The following TMEM67 variants were observed in gnomAD, a reference collection of about 807,000 sequenced individuals.
The protein encoded by TMEM67 is transmembrane protein 67, also known as meckelin.
Under a neutral mutation model 136.6 loss-of-function variants are expected in TMEM67, and 124 were observed. The observed-to-expected ratio is 0.91, with a 90% CI of 0.78 to 1.05. The LOEUF is 1.05. Ranked by LOEUF, TMEM67 falls within the 50% of genes least tolerant of loss-of-function variation. The probability of loss-of-function intolerance (pLI) is 0.00; values close to 1 mark genes in which losing one functional copy is unlikely to be tolerated. For missense variants in TMEM67, 1,107 were observed against 1,178.4 expected, an observed-to-expected ratio of 0.94 and a Z score of 0.89; for synonymous variants, 364 against 390.5, an observed-to-expected ratio of 0.93 and a Z score of 0.80.
At chr8:93,759,677 T>G (rs1239664373) in intron 3 of TMEM67, among the ~76,000 whole-genome samples, 3 of 151,140 alleles carry the variant, frequency 2.0e-5, no homozygotes, top group Non-Finnish European at 4.4e-5. Context: ...GAGACAGAGT[T>G]TTCACTGTTG....
intron 11 of TMEM67, among the ~76,000 whole-genome samples, chr8:93,783,176 G>T (rs926660678): frequency 5.3e-5 from 8 of 152,104 alleles, no homozygotes; most frequent in African/African-American, 1.9e-4. Flanking sequence ...CATAGAGATG[G>T]GGTTTTGCTG....
chr8:93,808,732 T>C, intron 23 of TMEM67, 108 bp from the exon 24 acceptor site: 1 of 719,456 alleles, frequency 1.4e-6, no homozygotes, highest in Non-Finnish European at 2.5e-6. Context: ...ACTTAGCACC[T>C]GAATCTTGTA....
chr8:93,793,283 T>C lies in TMEM67; in HGVS notation c.1661T>C (p.Met554Thr). ...AGWKRRIGSP[M>T]IDLQTVVKFL... is the part of the protein sequence containing the mutation. ...TGGAAGAGGCGCATTGGGAGTCCCATGATTGATTTACAGGTATAATCTCAG... is the reference window on the plus strand; with the variant it reads ...TGGAAGAGGCGCATTGGGAGTCCCACGATTGATTTACAGGTATAATCTCAG... Residue 554 changes from methionine to threonine, a missense_variant, in exon 16 of 28, where the codon ATG (methionine) becomes ACG (threonine). Coordinates refer to ENST00000453321, the MANE Select transcript of TMEM67 (RefSeq NM_153704.6). 6.2e-7 allele frequency: 1 copy of C among 1,613,554 alleles called. No homozygotes were observed. The highest frequency in any genetic ancestry group is 8.5e-7 in the Non-Finnish European group (1 of 1,179,434).
Position 93,764,154 on chromosome 8 carries a change from TG to T in TMEM67, c.506+215del. On this transcript the variant is annotated intron_variant, in intron 4 of 27. Transcript: ENST00000453321. ...GTCCAGTCTGTTAGTTGTCTGACCT[TG>T]GATAGCTCACTACTTCACAATCCCT... Among the ~76,000 whole-genome samples the T allele has an allele frequency of 2.0e-5, 3 of 152,282 alleles. No individual in the cohort carries two copies. In the East Asian group the frequency reaches 5.8e-4, roughly 29 times the overall value.
chr8:93,774,760 T>C (rs1400104936), intron 7 of TMEM67, among the ~76,000 whole-genome samples: 2 of 152,374 alleles, frequency 1.3e-5, no homozygotes, highest in African/African-American at 4.8e-5. Context: ...AGTCTATCAT[T>C]GATGGACATT....
chr8:93,761,032 C>G (rs141359174), intron 3 of TMEM67, among the ~76,000 whole-genome samples: 1 of 151,948 alleles, frequency 6.6e-6, no homozygotes, highest in Non-Finnish European at 1.5e-5. Context: ...TTTTTTCGAC[C>G]GGGCACAGTG....
At chr8:93,809,699 AT>A in intron 25 of TMEM67, 85 bp from the exon 26 acceptor site, 1 of 812,360 alleles carries the variant, frequency 1.2e-6, no homozygotes, top group Non-Finnish European at 2.1e-6. Context: ...TTCATTTTTC[AT>A]TTTCTCTCCT....
chr8:93,755,953 A>T (rs985900229), intron 2 of TMEM67, 87 bp downstream of exon 2: 2 of 804,410 alleles, frequency 2.5e-6, no homozygotes, highest in Non-Finnish European at 4.0e-6. Flanking sequence ...TTAATGTTTA[A>T]TGTTTCCCCA....
intron 23 of TMEM67, among the ~76,000 whole-genome samples, chr8:93,807,484 C>T (rs1294055360): frequency 1.3e-5 from 2 of 151,788 alleles, no homozygotes; most frequent in African/African-American, 2.4e-5. Flanking sequence ...CAGGCTATAA[C>T]GTTAAGTGAA....
chr8:93,795,780 GC>G, intron 17 of TMEM67, 120 bp from the exon 18 acceptor site: 1 of 759,196 alleles, frequency 1.3e-6, no homozygotes, highest in Non-Finnish European at 2.2e-6. Flanking sequence ...ATCAAGTCCT[GC>G]CCGGGCAGCA....
At chr8:93,774,919 C>T (rs1230974983) in intron 7 of TMEM67, among the ~76,000 whole-genome samples, 4 of 152,276 alleles carry the variant, frequency 2.6e-5, no homozygotes, top group Non-Finnish European at 4.4e-5. Context: ...GTTCTAGATC[C>T]TTGAGGAATT....
chr8:93,829,378 C>CTGTG, the TMEM67 span, among the ~76,000 whole-genome samples: 1 of 148,302 alleles, frequency 6.7e-6, no homozygotes, highest in South Asian at 2.1e-4. Flanking sequence ...CTCTCTCTCT[C>CTGTG]TCTCTGTGTG....
rs1814544268 is a variant in TMEM67 at position 93,795,007 on chromosome 8, A to G, written c.1675-402A>G. 1.4e-5 allele frequency: 3 copies of G among 218,940 alleles called. No homozygotes were observed. The Admixed American group carries it at 1.6e-4, about 11-fold the overall frequency. The allele number at this position is 218,940 out of a possible 1,614,324, so 13.6% of individuals were successfully genotyped here. On this transcript the variant is annotated intron_variant, in intron 16 of 27. Coordinates refer to ENST00000453321, the MANE Select transcript of TMEM67 (RefSeq NM_153704.6). ...CATATTGTGAAAGACCTTGTGGATC[A>G]GGAATTTATATTGCAATGAGGAGTT...
chr8:93,796,385 C>T (rs1814617359), intron 18 of TMEM67, among the ~76,000 whole-genome samples: 1 of 152,106 alleles, frequency 6.6e-6, no homozygotes, highest in Non-Finnish European at 1.5e-5. Context: ...TCTCCAGATT[C>T]CTTTGCTCCT....
chr8:93,773,405 G>C (rs547930457), intron 7 of TMEM67, among the ~76,000 whole-genome samples: 1 of 152,298 alleles, frequency 6.6e-6, no homozygotes, highest in South Asian at 2.1e-4. Flanking sequence ...TAGAACTTCA[G>C]TTCTTGAAAG....
chr8:93,782,066 A>G (rs1159857543), intron 10 of TMEM67, among the ~76,000 whole-genome samples: 1 of 152,252 alleles, frequency 6.6e-6, no homozygotes, highest in South Asian at 2.1e-4. Flanking sequence ...GGCGACTGCC[A>G]CCACGTCCAG....
At chr8:93,810,699 A>G (rs983523487) in intron 26 of TMEM67, among the ~76,000 whole-genome samples, 5 of 152,316 alleles carry the variant, frequency 3.3e-5, no homozygotes, top group Middle Eastern at 3.4e-3. Context: ...AATACATACA[A>G]GATTCTATAA....
intron 7 of TMEM67, among the ~76,000 whole-genome samples, chr8:93,778,076 C>T (rs1813638304): frequency 6.6e-6 from 1 of 152,190 alleles, no homozygotes; most frequent in Admixed American, 6.5e-5. Flanking sequence ...GTTAGCTCTT[C>T]TTGTTGAATT....
chr8:93,809,721 CA>C, intron 25 of TMEM67, 63 bp from the exon 26 acceptor site: 1 of 942,610 alleles, frequency 1.1e-6, no homozygotes, highest in Non-Finnish European at 1.7e-6. Context: ...GCTGATTTTA[CA>C]TTAATTGCAA....
Sources: gnomAD v4.1 joint callset for allele counts (sites outside exome capture counted in the v4.1 genomes callset) on GRCh38, gnomAD v4.1.1 for gene constraint, MANE v1.5 for transcripts, NCBI Gene and HGNC (gene_info 2026-07-23, HGNC 2026-07-21) for gene names.